Variants in NF1 observed in about 807,000 individuals in gnomAD.
NF1 encodes the protein neurofibromin.
Under a neutral mutation model 325.7 loss-of-function variants are expected in NF1, and 122 were observed. That is an observed-to-expected ratio of 0.37 (90% confidence interval 0.32 to 0.44). The LOEUF is 0.44. Ranked by LOEUF, NF1 falls within the 20% of genes least tolerant of loss-of-function variation. The pLI is 1.00. For synonymous variants in NF1, 1,091 were observed against 1,186.0 expected (o/e 0.92, Z 1.65); for missense variants, 2,140 against 3,415.4 (o/e 0.63, Z 9.31).
intron 20 of NF1, among the ~76,000 whole-genome samples, chr17:31,228,581 C>CA (rs1412123755): frequency 6.6e-5 from 10 of 152,210 alleles, no homozygotes; most frequent in African/African-American, 2.4e-4. Flanking sequence ...AAACCCCGTA[C>CA]CCTTTAGCTA....
At chr17:31,107,153 T>C (rs1464477430) in intron 1 of NF1, among the ~76,000 whole-genome samples, 1 of 152,194 alleles carries the variant, frequency 6.6e-6, no homozygotes, top group Non-Finnish European at 1.5e-5. Context: ...GTGCCTTCTA[T>C]TCCTGTCCCA....
chr17:31,304,020 C>G (rs1329625625), intron 36 of NF1: 1 of 334,940 alleles, frequency 3.0e-6, no homozygotes, highest in Admixed American at 4.4e-5. Flanking sequence ...TGAAACATAC[C>G]ATTTACATAT....
chr17:31,248,598 A>G (rs1341080127), intron 29 of NF1, among the ~76,000 whole-genome samples: 3 of 151,942 alleles, frequency 2.0e-5, no homozygotes, highest in Non-Finnish European at 2.9e-5. Flanking sequence ...GCAGTGGTGC[A>G]GTCTTGGCTC....
At chr17:31,210,200 G>A (rs963373458) in intron 12 of NF1, among the ~76,000 whole-genome samples, 3 of 152,126 alleles carry the variant, frequency 2.0e-5, no homozygotes, top group Admixed American at 1.3e-4. Context: ...AATCCCTAAC[G>A]TTTGAACAAC....
chr17:31,190,577 C>T (rs2066325665), intron 8 of NF1, among the ~76,000 whole-genome samples: 1 of 152,202 alleles, frequency 6.6e-6, no homozygotes, highest in Non-Finnish European at 1.5e-5. Context: ...TTTACTCAGC[C>T]ATTTCACTGA....
At chr17:31,138,818 G>T (rs1490049833) in intron 1 of NF1, among the ~76,000 whole-genome samples, 1 of 151,312 alleles carries the variant, frequency 6.6e-6, no homozygotes, top group African/African-American at 2.4e-5. Flanking sequence ...TCCTGATGTC[G>T]TGATATGCCC....
At position 31,184,647 on chromosome 17, in the gene NF1, C is replaced by CA. The variant is rs1181227983; in HGVS notation, c.888+1994dup. On this transcript the variant is annotated intron_variant, in intron 8 of 57. Transcript: ENST00000358273. Reference sequence around the variant, plus strand: ...CCTGGGCGACAGCGAGACTCCGTCTCAAAAAAAAAAAATAAAAAAAAAAAA... The same window carrying CA: ...CCTGGGCGACAGCGAGACTCCGTCTCAAAAAAAAAAAAATAAAAAAAAAAAA... Among the ~76,000 whole-genome samples the CA allele has an allele frequency of 7.0e-3, 509 of 72,682 alleles. 6 individuals carry two copies. The highest frequency in any genetic ancestry group is 0.018 in the African/African-American group (462 of 25,338). The allele number at this position is 72,682 out of a possible 152,430, so 47.7% of individuals were successfully genotyped here.
intron 57 of NF1, among the ~76,000 whole-genome samples, chr17:31,373,062 TCTC>T (rs746330652): frequency 9.2e-5 from 14 of 152,114 alleles, no homozygotes; most frequent in Non-Finnish European, 1.8e-4. Context: ...GGAGGTTTAA[TCTC>T]CTCCTCAAGA....
chr17:31,253,016 T>G lies in NF1; in HGVS notation c.4173+16T>G, dbSNP rs2067521574. ...CAAAAAATCAGTAAGTTTGGAGAACTTTTTATTAGCTGTTTCTTTCAAAGC... is the reference window on the plus strand; with the variant it reads ...CAAAAAATCAGTAAGTTTGGAGAACGTTTTATTAGCTGTTTCTTTCAAAGC... On this transcript the variant is annotated intron_variant, in intron 31 of 57. Coordinates refer to ENST00000358273, the MANE Select transcript of NF1 (RefSeq NM_001042492.3). 1 of 1,596,632 alleles carries G rather than the reference T, an allele frequency of 6.3e-7. No homozygotes were observed. The highest frequency in any genetic ancestry group is 1.3e-5 in the African/African-American group (1 of 74,598).
intron 1 of NF1, among the ~76,000 whole-genome samples, chr17:31,140,323 T>C (rs766296713): frequency 5.9e-5 from 9 of 152,068 alleles, no homozygotes; most frequent in Non-Finnish European, 1.3e-4. Context: ...AGAGATTAAT[T>C]GAGATAATGA....
At chr17:31,137,711 C>T (rs1915882289) in intron 1 of NF1, 1 of 149,892 alleles carries the variant, frequency 6.7e-6, no homozygotes, top group Admixed American at 6.7e-5. Flanking sequence ...CTTCCACTAG[C>T]TTGCTGGAAA....
At chr17:31,195,805 A>G (rs1385109177) in intron 8 of NF1, among the ~76,000 whole-genome samples, 5 of 152,048 alleles carry the variant, frequency 3.3e-5, no homozygotes, top group African/African-American at 1.2e-4. Flanking sequence ...GTATATATAT[A>G]CCAACATTTT....
chr17:31,154,835 GT>G (rs1257397631), intron 1 of NF1, among the ~76,000 whole-genome samples: 1 of 149,060 alleles, frequency 6.7e-6, no homozygotes, highest in Non-Finnish European at 1.5e-5. Flanking sequence ...TGCCTCCTGG[GT>G]TCATGCCATT....
chr17:31,210,664 T>A (rs2066713952), intron 12 of NF1, among the ~76,000 whole-genome samples: 1 of 152,160 alleles, frequency 6.6e-6, no homozygotes, highest in Non-Finnish European at 1.5e-5. Flanking sequence ...CTGACAAAAA[T>A]TTTTAAAATT....
chr17:31,187,815 C>G (rs2066270029), intron 8 of NF1, among the ~76,000 whole-genome samples: 1 of 152,162 alleles, frequency 6.6e-6, no homozygotes, highest in South Asian at 2.1e-4. Context: ...AACGCTGCCA[C>G]CAGGAGACAC....
At chr17:31,115,149 A>G (rs1398023949) in intron 1 of NF1, among the ~76,000 whole-genome samples, 1 of 152,090 alleles carries the variant, frequency 6.6e-6, no homozygotes, top group East Asian at 1.9e-4. Flanking sequence ...ACATTTGGCA[A>G]TGCCTGGAGA....
chr17:31,117,713 A>G (rs1914072674), intron 1 of NF1, among the ~76,000 whole-genome samples: 1 of 141,492 alleles, frequency 7.1e-6, no homozygotes, highest in South Asian at 2.4e-4. Context: ...AGGAATAGTG[A>G]TTTGCACATA....
At chr17:31,214,618 A>G in intron 13 of NF1, 33 bp downstream of exon 13, 1 of 1,608,272 alleles carries the variant, frequency 6.2e-7, no homozygotes, top group Non-Finnish European at 8.5e-7. Context: ...TCTCAAAATT[A>G]TCACACTAAG....
intron 49 of NF1, 103 bp downstream of exon 49, chr17:31,349,354 G>C (rs1296484928): frequency 1.4e-5 from 17 of 1,206,872 alleles, no homozygotes; most frequent in Middle Eastern, 2.7e-4. Context: ...GCGTGGCAGA[G>C]CAGAAAGTTC....
Sources: gnomAD v4.1 joint callset for allele counts (sites outside exome capture counted in the v4.1 genomes callset) on GRCh38, gnomAD v4.1.1 for gene constraint, MANE v1.5 for transcripts, NCBI Gene and HGNC (gene_info 2026-07-23, HGNC 2026-07-21) for gene names.